The following PCNX2 variants were observed in gnomAD, a reference collection of about 807,000 sequenced individuals.
The protein encoded by PCNX2 is pecanex 2.
A neutral mutation model predicts 223.8 loss-of-function variants in PCNX2; 168 were observed. The ratio of observed to expected loss-of-function variants is 0.75; its 90% CI spans 0.66 to 0.85. The LOEUF (loss-of-function observed/expected upper bound fraction) is 0.85. Ranked by LOEUF, PCNX2 falls within the 40% of genes least tolerant of loss-of-function variation. The pLI, the probability that PCNX2 is intolerant of heterozygous loss-of-function variation, is 0.00. For missense variants in PCNX2, 2,507 were observed against 2,675.5 expected (o/e 0.94, Z 1.39); for synonymous variants, 1,006 against 1,052.6 (o/e 0.96, Z 0.86).
Position 233,278,867 on chromosome 1 carries a change from C to T in PCNX2, c.154-15704G>A, listed in dbSNP as rs79244241. Among the ~76,000 whole-genome samples, 2,107 of 152,202 alleles carry T rather than the reference C, an allele frequency of 0.014. 181 individuals are homozygous for T. The East Asian group carries it at 0.25, about 18-fold the overall frequency. ...TTTCTCCCCTTTCTGTAGGATGCAC[C>T]CCACTCCTAAATGCATATCATTGTA... On this transcript the variant is annotated intron_variant, in intron 1 of 33. Coordinates refer to ENST00000258229, the MANE Select transcript of PCNX2 (RefSeq NM_014801.4).
chr1:232,988,642 T>G (rs1013787868), intron 32 of PCNX2, among the ~76,000 whole-genome samples: 2 of 152,212 alleles, frequency 1.3e-5, no homozygotes, highest in Non-Finnish European at 2.9e-5. Flanking sequence ...TGGCACTTAA[T>G]TCCTTTGTCT....
At chr1:233,310,246 A>C in the PCNX2 span, among the ~76,000 whole-genome samples, 2 of 152,224 alleles carry the variant, frequency 1.3e-5, no homozygotes, top group African/African-American at 4.8e-5. Flanking sequence ...ATTTTAAAAA[A>C]TTTTTGCTCA....
chr1:233,250,080 G>C (rs1365584417), intron 8 of PCNX2, among the ~76,000 whole-genome samples: 2 of 152,128 alleles, frequency 1.3e-5, no homozygotes, highest in African/African-American at 4.8e-5. Flanking sequence ...AAGCATACAT[G>C]AACAATTTAC....
chr1:233,279,260 C>T (rs1661062886), intron 1 of PCNX2, among the ~76,000 whole-genome samples: 1 of 151,880 alleles, frequency 6.6e-6, no homozygotes, highest in Non-Finnish European at 1.5e-5. Context: ...ACTCTGTTGC[C>T]CAGGCTGGAG....
At chr1:233,298,631 G>C (rs981008427), upstream of PCNX2, among the ~76,000 whole-genome samples, 1 of 152,292 alleles carries the variant, frequency 6.6e-6, no homozygotes, top group South Asian at 2.1e-4. Context: ...GTTCACGCCT[G>C]TAATCCCAGC....
chr1:233,240,363 A>ATACT (rs1658685729), intron 8 of PCNX2, among the ~76,000 whole-genome samples: 1 of 152,290 alleles, frequency 6.6e-6, no homozygotes, highest in East Asian at 1.9e-4. Context: ...ATAGACTGTG[A>ATACT]GCAGCATAAT....
chr1:233,008,537 C>T (rs2102808270), intron 28 of PCNX2, among the ~76,000 whole-genome samples: 1 of 152,288 alleles, frequency 6.6e-6, no homozygotes, highest in East Asian at 1.9e-4. Context: ...GAATTTCTTT[C>T]CATGGGGGAC....
At chr1:233,029,498 T>G (rs909921994) in intron 25 of PCNX2, among the ~76,000 whole-genome samples, 4 of 152,238 alleles carry the variant, frequency 2.6e-5, no homozygotes, top group African/African-American at 9.6e-5. Context: ...ATCTTCATTC[T>G]TTTGTGTAGA....
chr1:233,036,671 T>C (rs1428229210), intron 25 of PCNX2, among the ~76,000 whole-genome samples: 1 of 152,148 alleles, frequency 6.6e-6, no homozygotes, highest in African/African-American at 2.4e-5. Context: ...CTCCTTTTTC[T>C]TTAAGATTGC....
At chr1:233,157,461 G>C (rs1322260543) in intron 19 of PCNX2, among the ~76,000 whole-genome samples, 3 of 152,188 alleles carry the variant, frequency 2.0e-5, no homozygotes, top group Non-Finnish European at 4.4e-5. Flanking sequence ...CCCAGTTCTA[G>C]GACTCTGTTC....
chr1:233,289,956 C>A (rs1661664693), intron 1 of PCNX2, among the ~76,000 whole-genome samples: 1 of 152,054 alleles, frequency 6.6e-6, no homozygotes, highest in African/African-American at 2.4e-5. Context: ...GAGAGGCTAC[C>A]TTTCCATAAT....
At chr1:233,031,035 T>C (rs1326951769) in intron 25 of PCNX2, among the ~76,000 whole-genome samples, 4 of 152,180 alleles carry the variant, frequency 2.6e-5, no homozygotes, top group African/African-American at 9.7e-5. Flanking sequence ...TCCTATACTG[T>C]AAACAAGAAA....
At chr1:233,305,576 G>A in the PCNX2 span, among the ~76,000 whole-genome samples, 1 of 151,942 alleles carries the variant, frequency 6.6e-6, no homozygotes, top group Admixed American at 6.6e-5. Flanking sequence ...CTCCCAAATA[G>A]CTGAGACTAC....
intron 15 of PCNX2, among the ~76,000 whole-genome samples, chr1:233,197,152 T>C (rs1339512863): frequency 6.6e-6 from 1 of 152,176 alleles, no homozygotes; most frequent in Non-Finnish European, 1.5e-5. Flanking sequence ...AGAACATTTT[T>C]TGAGTTGGTG....
chr1:233,257,775 G>A (rs1027125883), intron 5 of PCNX2, among the ~76,000 whole-genome samples: 7 of 152,152 alleles, frequency 4.6e-5, no homozygotes, highest in Non-Finnish European at 1.0e-4. Flanking sequence ...AAATAGTCTT[G>A]CCTTCTATAG....
At chr1:233,024,804 C>A (rs1183312592) in intron 26 of PCNX2, among the ~76,000 whole-genome samples, 2 of 152,194 alleles carry the variant, frequency 1.3e-5, no homozygotes, top group African/African-American at 4.8e-5. Flanking sequence ...ACCCTTATAA[C>A]TCAAACATGG....
At chr1:233,250,403 A>T (rs1297334002) in intron 8 of PCNX2, among the ~76,000 whole-genome samples, 1 of 152,220 alleles carries the variant, frequency 6.6e-6, no homozygotes, top group African/African-American at 2.4e-5. Flanking sequence ...CCACATTTCT[A>T]GTCCACTCCT....
intron 1 of PCNX2, among the ~76,000 whole-genome samples, chr1:233,293,543 C>T (rs1442967918): frequency 6.6e-6 from 1 of 152,150 alleles, no homozygotes. Context: ...AATAGTCTAA[C>T]TACAGAATGC....
At chr1:233,071,975 C>T (rs957055913) in intron 23 of PCNX2, among the ~76,000 whole-genome samples, 6 of 152,290 alleles carry the variant, frequency 3.9e-5, no homozygotes, top group African/African-American at 1.4e-4. Flanking sequence ...ATGTCCTTTG[C>T]CCACTTTTTA....
Sources: gnomAD v4.1 joint callset for allele counts (sites outside exome capture counted in the v4.1 genomes callset) on GRCh38, gnomAD v4.1.1 for gene constraint, MANE v1.5 for transcripts, NCBI Gene and HGNC (gene_info 2026-07-23, HGNC 2026-07-21) for gene names.